The following SPRYD3 variants were observed in gnomAD, a reference collection of about 807,000 sequenced individuals.
SPRYD3 encodes SPRY domain-containing protein 3.
SPRYD3 carries 17 observed loss-of-function variants against 50.1 expected under a neutral mutation model. The observed-to-expected ratio is 0.34, with a 90% confidence interval of 0.23 to 0.51. SPRYD3 has a LOEUF of 0.51. SPRYD3 is among the 20% of genes least tolerant of loss of function. The pLI is 0.97. For synonymous variants in SPRYD3, 198 were observed against 215.5 expected (o/e 0.92, Z 0.71); for missense variants, 401 against 591.2 (o/e 0.68, Z 3.34).
Position 53,074,995 on chromosome 12 carries a change from A to G in SPRYD3, c.371+100T>C, listed in dbSNP as rs1034109196. On this transcript the variant is annotated intron_variant, in intron 4 of 10. Transcript: ENST00000301463. This position sits in a 1 kb window ranked among gnomAD's most constrained non-coding sequence, Gnocchi z 4.6. ...TTCCCTGTCCTGACCAGAAAAGTCT[A>G]TGAAACACCCAATGGGAAAAGCCAG... is the stretch of plus-strand genomic sequence containing the variant. 1.3e-6 allele frequency: 2 copies of G among 1,524,190 alleles called. No individual in the cohort carries two copies. The highest frequency in any genetic ancestry group is 1.4e-5 in the African/African-American group (1 of 73,186). The allele number at this position is 1,524,190 out of a possible 1,614,324, so 94.4% of individuals were successfully genotyped here.
rs1944486170 is a variant in SPRYD3, at chr12:53,064,730, A to G, written c.*1102T>C. 1.3e-5 allele frequency: 2 copies of G among 152,808 alleles called. No homozygotes were observed. Among genetic ancestry groups the G allele is most frequent in the South Asian group, 2.1e-4 (1 of 4,834 alleles). The allele number at this position is 152,808 out of a possible 1,614,324, so 9.5% of individuals were successfully genotyped here. On this transcript the variant is annotated 3_prime_UTR_variant, in exon 11 of 11. Coordinates refer to ENST00000301463, the MANE Select transcript of SPRYD3 (RefSeq NM_032840.3). ...GCACAACAGCTCACCCGCTTTCCCT[A>G]CAGCCCTACCCGCTCTGTGCAAACC...
rs1944491530 is a variant in SPRYD3 at position 53,065,127 on chromosome 12, C to A, written c.*705G>T. 6.6e-6 allele frequency: 1 copy of A among 152,410 alleles called. No homozygotes were observed. Among genetic ancestry groups the A allele is most frequent in the Non-Finnish European group, 1.5e-5 (1 of 68,150 alleles). 9.4% of individuals were successfully genotyped at this position (152,410 alleles called of 1,614,324 possible). A position where few individuals can be genotyped will look rare whatever the true frequency, so the allele number is the denominator to read the frequency against. ...GGAGAAAGGAGTGAAGGCCCTAGTGCCCTGTCACCTCACAGCCCCTCTCTC... is the reference window on the plus strand; with the variant it reads ...GGAGAAAGGAGTGAAGGCCCTAGTGACCTGTCACCTCACAGCCCCTCTCTC... On this transcript the variant is annotated 3_prime_UTR_variant, in exon 11 of 11. Transcript: ENST00000301463.
intron 6 of SPRYD3, 30 bp downstream of exon 6, chr12:53,073,256 G>GCCCCGGGGGGGGGC: frequency 2.4e-6 from 1 of 424,134 alleles, no homozygotes; most frequent in Non-Finnish European, 4.4e-6. Flanking sequence ...CTCCGACCCA[G>GCCCCGGGGGGGGGC]CCCCTCCCAC....
chr12:53,076,948 TAA>T (rs552570899), intron 2 of SPRYD3, among the ~76,000 whole-genome samples, 165 bp downstream of exon 2: 4 of 138,232 alleles, frequency 2.9e-5, no homozygotes, highest in Admixed American at 7.3e-5. Flanking sequence ...GACTCTGTCT[TAA>T]AAAAAAAAAA....
chr12:53,075,291 G>A, intron 3 of SPRYD3, 72 bp from the exon 4 acceptor site: 1 of 1,523,806 alleles, frequency 6.6e-7, no homozygotes, highest in Non-Finnish European at 9.0e-7. Context: ...TGGGGGAAGG[G>A]GACTTAGAGA....
intron 1 of SPRYD3, chr12:53,077,977 A>C: frequency 3.2e-6 from 1 of 314,532 alleles, no homozygotes; most frequent in South Asian, 2.5e-5. Flanking sequence ...GCTTGAGGCC[A>C]GGACCCAGAC....
rs925790089 is a variant in SPRYD3, at chr12:53,065,512, C to G, written c.*320G>C. 3.2e-6 allele frequency: 1 copy of G among 310,840 alleles called. No individual in the cohort carries two copies. Among genetic ancestry groups the G allele is most frequent in the African/African-American group, 2.1e-5 (1 of 47,844 alleles). The allele number at this position is 310,840 out of a possible 1,614,324, so 19.3% of individuals were successfully genotyped here. A position where few individuals can be genotyped will look rare whatever the true frequency, so the allele number is the denominator to read the frequency against. ...GAGATAGGGTGCTCACGCCTCTCCA[C>G]CCACACAGGGCCGGTGAGGGAAAGG... On this transcript the variant is annotated 3_prime_UTR_variant, in exon 11 of 11. Coordinates refer to ENST00000301463, the MANE Select transcript of SPRYD3 (RefSeq NM_032840.3).
chr12:53,074,550 C>T lies in SPRYD3; in HGVS notation c.507+99G>A. 4 of 1,478,838 alleles carry T rather than the reference C, an allele frequency of 2.7e-6. No individual in the cohort carries two copies. The South Asian group carries it at 3.7e-5, about 14-fold the overall frequency. 91.6% of individuals were successfully genotyped at this position (1,478,838 alleles called of 1,614,324 possible). A position where few individuals can be genotyped will look rare whatever the true frequency, so the allele number is the denominator to read the frequency against. On this transcript the variant is annotated intron_variant, in intron 5 of 10. Coordinates refer to ENST00000301463, the MANE Select transcript of SPRYD3 (RefSeq NM_032840.3). The surrounding 1 kb of genome is among the most constrained non-coding windows in gnomAD (Gnocchi z 4.6). Reference sequence around the variant, plus strand: ...GGAGATGGGAACTCAGTGCAAGGGTCCCTGGGCAAGCCCCAGCCAGCAGAC... The same window carrying T: ...GGAGATGGGAACTCAGTGCAAGGGTTCCTGGGCAAGCCCCAGCCAGCAGAC...
chr12:53,068,777 A>G (rs1445186530), intron 6 of SPRYD3, among the ~76,000 whole-genome samples: 1 of 152,216 alleles, frequency 6.6e-6, no homozygotes, highest in African/African-American at 2.4e-5. Flanking sequence ...TGCCAACCCC[A>G]GATATTCAGG....
At chr12:53,077,042 A>T (rs1175259239) in intron 2 of SPRYD3, 73 bp downstream of exon 2, 6 of 592,168 alleles carry the variant, frequency 1.0e-5, no homozygotes, top group Non-Finnish European at 7.2e-6. Flanking sequence ...AATAAAAGTT[A>T]AAAAAAAAAA....
intron 1 of SPRYD3, 125 bp from the exon 2 acceptor site, chr12:53,077,386 C>T (rs1944596947): frequency 1.1e-6 from 1 of 907,110 alleles, no homozygotes; most frequent in African/African-American, 1.7e-5. Flanking sequence ...ACCTCAACAA[C>T]CCTCATCTTC....
chr12:53,075,317 G>T, intron 3 of SPRYD3, 98 bp from the exon 4 acceptor site: 2 of 1,311,672 alleles, frequency 1.5e-6, no homozygotes, highest in Non-Finnish European at 2.1e-6. Flanking sequence ...GGGCGCTGAG[G>T]CTCAAAAAGA....
chr12:53,073,293 C>T lies in SPRYD3; in HGVS notation c.686G>A (p.Cys229Tyr). 7.5e-7 allele frequency: 1 copy of T among 1,328,502 alleles called. No homozygotes were observed. The highest frequency in any genetic ancestry group is 1.0e-6 in the Non-Finnish European group (1 of 954,542). The allele number at this position is 1,328,502 out of a possible 1,614,324, so 82.3% of individuals were successfully genotyped here. The change falls in exon 6 of 11, where the codon TGT (cysteine) becomes TAT (tyrosine). Residue 229 changes from cysteine to tyrosine, a missense_variant. Transcript: ENST00000301463. ...EWGRLHDVRV[C>Y]GTLLEYLGKG... ...CTCCCACCCGCTACTTACAGTCCCA[C>T]AGACTCTGACATCATGTAGCCGGCC... is the stretch of plus-strand genomic sequence containing the variant.
chr12:53,068,130 A>G (rs1215991899), intron 7 of SPRYD3, 25 bp downstream of exon 7: 30 of 1,613,762 alleles, frequency 1.9e-5, no homozygotes, highest in Non-Finnish European at 2.3e-5. Context: ...CTCCATGAGC[A>G]AAAAAGCTCA....
At chr12:53,066,825 G>A in intron 8 of SPRYD3, 133 bp from the exon 9 acceptor site, 1 of 1,211,986 alleles carries the variant, frequency 8.3e-7, no homozygotes, top group Non-Finnish European at 1.1e-6. Flanking sequence ...CAAAGATGGA[G>A]AGAGAGGCCG....
chr12:53,066,369 T>C lies in SPRYD3; in HGVS notation c.1139A>G (p.Glu380Gly). Residue 380 changes from glutamate (E) to glycine (G), a missense_variant, in exon 10 of 11, where the codon GAA becomes GGA. Coordinates refer to ENST00000301463, the MANE Select transcript of SPRYD3 (RefSeq NM_032840.3). ...TATCTCTTCCCCATCCTCTTCCTCTTCCTCTTCCTCCTCTTCCTCTTCCCC... is the reference window on the plus strand; with the variant it reads ...TATCTCTTCCCCATCCTCTTCCTCTCCCTCTTCCTCCTCTTCCTCTTCCCC... ...QEGEEEEEEE[E>G]EEEDGEEIEP... is the part of the protein sequence containing the mutation. 1.2e-6 allele frequency: 2 copies of C among 1,613,900 alleles called. No individual in the cohort carries two copies. Among genetic ancestry groups the C allele is most frequent in the Non-Finnish European group, 8.5e-7 (1 of 1,179,830 alleles).
At position 53,068,192 on chromosome 12, in the gene SPRYD3, C is replaced by T; in HGVS notation, c.806G>A (p.Gly269Glu). The T allele has an allele frequency of 6.2e-7, 1 of 1,614,204 alleles. No homozygotes were observed. The highest frequency in any genetic ancestry group is 1.1e-5 in the South Asian group (1 of 91,078). Residue 269 changes from glycine to glutamate, a missense_variant, in exon 7 of 11, where the codon GGA becomes GAA. Physicochemically the swap from Gly to Glu is moderately conservative, Grantham distance 98. Coordinates refer to ENST00000301463, the MANE Select transcript of SPRYD3 (RefSeq NM_032840.3). ...HYFEVEIVDP[G>E]EKCYIALGLA... ...CCCCAGGGCGATGTAGCATTTCTCT[C>T]CAGGGTCCACGATCTCCACCTCGAA...
intron 6 of SPRYD3, among the ~76,000 whole-genome samples, chr12:53,069,417 C>G (rs1592264770): frequency 6.6e-6 from 1 of 152,208 alleles, no homozygotes; most frequent in African/African-American, 2.4e-5. Context: ...CCCACCTGCA[C>G]CAGCACAGAA....
At position 53,065,811 on chromosome 12, in the gene SPRYD3, AGCAG is replaced by A; in HGVS notation, c.*17_*20del. On this transcript the variant is annotated 3_prime_UTR_variant, in exon 11 of 11. Coordinates refer to ENST00000301463, the MANE Select transcript of SPRYD3 (RefSeq NM_032840.3). ...CAGCAGAGGGTGAGCAGGGAGAAGG[AGCAG>A]GTCTGGAGGGGAGGCCCTAGCCACT... 2 of 1,603,728 alleles carry A rather than the reference AGCAG, an allele frequency of 1.2e-6. No individual in the cohort carries two copies. Among genetic ancestry groups the A allele is most frequent in the South Asian group, 2.2e-5 (2 of 90,500 alleles).
Sources: gnomAD v4.1 joint callset for allele counts (sites outside exome capture counted in the v4.1 genomes callset) on GRCh38, gnomAD v4.1.1 for gene constraint, Gnocchi (gnomAD v3.1) non-coding constraint, MANE v1.5 for transcripts, NCBI Gene and HGNC (gene_info 2026-07-23, HGNC 2026-07-21) for gene names.